Variants in CRACD observed in about 807,000 individuals in gnomAD.
The protein encoded by CRACD is capping protein-inhibiting regulator of actin dynamics.
CRACD carries 56 observed loss-of-function variants against 106.8 expected under a neutral mutation model. The observed-to-expected ratio is 0.52, with a 90% CI of 0.42 to 0.66. The LOEUF is 0.66. Ranked by LOEUF, CRACD falls within the 30% of genes least tolerant of loss-of-function variation. The probability of loss-of-function intolerance (pLI) is 0.00; values close to 1 mark genes in which losing one functional copy is unlikely to be tolerated. For missense variants in CRACD, 1,730 were observed against 1,623.2 expected, an observed-to-expected ratio of 1.07 and a Z score of -1.13; for synonymous variants, 754 against 670.8, an observed-to-expected ratio of 1.12 and a Z score of -1.92.
At chr4:56,228,045 C>G (rs1354298927) in intron 2 of CRACD, among the ~76,000 whole-genome samples, 1 of 152,150 alleles carries the variant, frequency 6.6e-6, no homozygotes, top group Admixed American at 6.5e-5. Context: ...AGTGTATACC[C>G]AATTTCAGGT....
Position 56,315,456 on chromosome 4 carries a change from G to T in CRACD, c.1954G>T (p.Ala652Ser). ...PGDARAGSGK[A>S]KPRQESPSSA... ...CGACGCGAGGGCGGGCAGCGGGAAG[G>T]CTAAGCCCCGCCAGGAGTCTCCCAG... The change falls in exon 8 of 11, where the codon GCT becomes TCT. Residue 652 changes from alanine (A) to serine (S), a missense_variant. Ala to Ser is a moderately conservative substitution (Grantham distance 99). Coordinates refer to ENST00000682029, the MANE Select transcript of CRACD (RefSeq NM_001393381.1). This position sits in a 1 kb window ranked among gnomAD's most constrained non-coding sequence, Gnocchi z 4.1. The T allele has an allele frequency of 1.9e-6, 3 of 1,613,072 alleles. No homozygotes were observed. Among genetic ancestry groups the T allele is most frequent in the African/African-American group, 1.3e-5 (1 of 75,064 alleles).
intron 8 of CRACD, among the ~76,000 whole-genome samples, chr4:56,321,602 T>A (rs1221913453): frequency 1.3e-5 from 2 of 152,242 alleles, no homozygotes; most frequent in Non-Finnish European, 2.9e-5. Context: ...AAAGAAGTGT[T>A]ACAGGGACCT....
chr4:56,152,613 C>G lies in CRACD; in HGVS notation c.-335-26671C>G, dbSNP rs568082831. On this transcript the variant is annotated intron_variant, in intron 1 of 10. Coordinates refer to ENST00000682029, the MANE Select transcript of CRACD (RefSeq NM_001393381.1). ...TGCAGTATCTGTCCAAAGAGAGGCT[C>G]TCTTGCACCCAGGAGTTCAAGGGTG... Among the ~76,000 whole-genome samples, 202 of 152,162 alleles carry G rather than the reference C, an allele frequency of 1.3e-3. 1 individual carries two copies. Among genetic ancestry groups the G allele is most frequent in the Admixed American group, 4.8e-3 (74 of 15,290 alleles).
At chr4:56,136,165 T>C (rs1387505089) in intron 1 of CRACD, among the ~76,000 whole-genome samples, 1 of 152,198 alleles carries the variant, frequency 6.6e-6, no homozygotes, top group South Asian at 2.1e-4. Context: ...TATTCTTCTG[T>C]TGATAGAAAT....
At chr4:56,252,401 T>C (rs1741108900) in intron 2 of CRACD, among the ~76,000 whole-genome samples, 1 of 152,160 alleles carries the variant, frequency 6.6e-6, no homozygotes, top group African/African-American at 2.4e-5. Context: ...AGGCCAGAAT[T>C]AGGAAAACTG....
chr4:56,204,654 G>A (rs570598311), intron 2 of CRACD, among the ~76,000 whole-genome samples: 1 of 152,284 alleles, frequency 6.6e-6, no homozygotes, highest in Admixed American at 6.5e-5. Flanking sequence ...GGGGTTTTAG[G>A]TTTCACTCCT....
chr4:56,219,993 T>G (rs1738940487), intron 2 of CRACD, among the ~76,000 whole-genome samples: 1 of 152,170 alleles, frequency 6.6e-6, no homozygotes, highest in South Asian at 2.1e-4. Context: ...TTGGGAGTAT[T>G]TGGTTGAAAG....
intron 1 of CRACD, among the ~76,000 whole-genome samples, chr4:56,173,804 T>G (rs1197402499): frequency 6.6e-6 from 1 of 152,250 alleles, no homozygotes; most frequent in Non-Finnish European, 1.5e-5. Context: ...CATACTGTTT[T>G]TTTGTGTCCA....
intron 3 of CRACD, among the ~76,000 whole-genome samples, chr4:56,294,007 G>T (rs937303222): frequency 6.6e-6 from 1 of 152,088 alleles, no homozygotes; most frequent in Non-Finnish European, 1.5e-5. Context: ...TGGGAGGATT[G>T]CTTGAGGCAG....
chr4:56,075,535 C>G (rs374905149), intron 1 of CRACD, among the ~76,000 whole-genome samples: 1 of 151,994 alleles, frequency 6.6e-6, no homozygotes. Context: ...GTGGTAATAT[C>G]CCCTTCATCA....
intron 2 of CRACD, among the ~76,000 whole-genome samples, chr4:56,200,275 A>AT (rs1207798778): frequency 1.3e-5 from 2 of 152,122 alleles, no homozygotes. Context: ...CTAGAACCTC[A>AT]TTTTTTTATA....
chr4:56,101,014 G>T (rs1171232845), intron 1 of CRACD, among the ~76,000 whole-genome samples: 3 of 152,132 alleles, frequency 2.0e-5, no homozygotes, highest in Admixed American at 6.5e-5. Flanking sequence ...TATTGCCAGT[G>T]CCAGACCCCC....
Position 56,314,738 on chromosome 4 carries a change from G to T in CRACD, c.1236G>T (p.Leu412=), listed in dbSNP as rs762284146. The change falls in exon 8 of 11, where the codon CTG becomes CTT. Residue 412 remains leucine, a synonymous_variant. Transcript: ENST00000682029. This position sits in a 1 kb window ranked among gnomAD's most constrained non-coding sequence, Gnocchi z 4.4. The part of the protein sequence containing the change: ...GEEEEEGQAH[L]EDWRGQLSEL... Reference sequence around the variant, plus strand: ...AGGAGGAGGAGGGCCAGGCGCACCTGGAGGACTGGAGGGGGCAGCTCAGTG... The same window carrying T: ...AGGAGGAGGAGGGCCAGGCGCACCTTGAGGACTGGAGGGGGCAGCTCAGTG... 13 of 1,580,000 alleles carry T rather than the reference G, an allele frequency of 8.2e-6. No homozygotes were observed. Among genetic ancestry groups the T allele is most frequent in the Non-Finnish European group, 1.1e-5 (13 of 1,163,920 alleles).
At chr4:56,072,083 G>C (rs1248701723) in intron 1 of CRACD, among the ~76,000 whole-genome samples, 1 of 148,124 alleles carries the variant, frequency 6.8e-6, no homozygotes. Flanking sequence ...AGCCGAGATC[G>C]CGCCACTGCA....
Position 56,072,498 on chromosome 4 carries a change from G to A in CRACD, c.-336+23199G>A, listed in dbSNP as rs145690329. ...CTTATTGAGATATAATTCACACACC[G>A]TAAAATTCACCCTCTACTCTGCACA... On this transcript the variant is annotated intron_variant, in intron 1 of 10. Transcript: ENST00000682029. Among the ~76,000 whole-genome samples, 682 of 152,206 alleles carry A rather than the reference G, an allele frequency of 4.5e-3. 8 individuals carry two copies. The highest frequency in any genetic ancestry group is 0.016 in the African/African-American group (649 of 41,512).
intron 10 of CRACD, among the ~76,000 whole-genome samples, 178 bp from the exon 11 acceptor site, chr4:56,327,466 A>G (rs937621279): frequency 6.6e-6 from 1 of 152,250 alleles, no homozygotes; most frequent in South Asian, 2.1e-4. Flanking sequence ...GAGGTTTTGT[A>G]TATTTTAATT....
intron 2 of CRACD, among the ~76,000 whole-genome samples, chr4:56,200,677 CTG>C (rs1737839863): frequency 6.6e-6 from 1 of 152,146 alleles, no homozygotes; most frequent in Admixed American, 6.5e-5. Context: ...AAAGAATACA[CTG>C]TAGTATTTTT....
chr4:56,300,727 A>G (rs780661659), intron 4 of CRACD, among the ~76,000 whole-genome samples: 16 of 152,222 alleles, frequency 1.1e-4, no homozygotes, highest in South Asian at 2.1e-4. Flanking sequence ...CTTGTCTTCA[A>G]TGATACCTGC....
At chr4:56,250,508 A>T (rs60359083) in intron 2 of CRACD, among the ~76,000 whole-genome samples, 43,840 of 152,046 alleles carry the variant, frequency 0.29, 6,919 homozygotes, top group East Asian at 0.63. Context: ...TAGTAAGAGA[A>T]TTGAGACTTA....
Sources: allele counts gnomAD v4.1 joint callset (sites outside exome capture counted in the v4.1 genomes callset), GRCh38; gene constraint gnomAD v4.1.1; non-coding constraint Gnocchi (gnomAD v3.1); transcripts MANE v1.5; gene names NCBI Gene and HGNC (gene_info 2026-07-23, HGNC 2026-07-21).